The following SPEN variants were observed in gnomAD, a reference collection of about 807,000 sequenced individuals.
The protein encoded by SPEN is msx2-interacting protein.
A neutral mutation model predicts 269.9 loss-of-function variants in SPEN; 18 were observed. The observed-to-expected ratio is 0.07, with a 90% CI of 0.05 to 0.10. SPEN has a LOEUF of 0.10. SPEN is among the 10% of genes least tolerant of loss of function. The pLI is 1.00. For missense variants in SPEN, 3,822 were observed against 4,631.2 expected (o/e 0.83, Z 5.07); for synonymous variants, 1,726 against 1,765.7 (o/e 0.98, Z 0.56).
chr1:15,871,401 C>A (rs1009132532), intron 1 of SPEN, among the ~76,000 whole-genome samples: 1 of 152,060 alleles, frequency 6.6e-6, no homozygotes, highest in African/African-American at 2.4e-5. Flanking sequence ...AGTGCAGTGG[C>A]ACGATCTTGG....
chr1:15,882,354 C>CA (rs1278477837), intron 3 of SPEN, among the ~76,000 whole-genome samples: 8 of 152,102 alleles, frequency 5.3e-5, no homozygotes, highest in Non-Finnish European at 8.8e-5. Context: ...CCCGCCCCCC[C>CA]AATCAAGTTG....
At chr1:15,854,771 G>A (rs563146909) in intron 1 of SPEN, among the ~76,000 whole-genome samples, 2 of 152,086 alleles carry the variant, frequency 1.3e-5, no homozygotes, top group Non-Finnish European at 2.9e-5. Flanking sequence ...GTGAGCCACC[G>A]CGACCGGCCA....
chr1:15,883,724 TA>T (rs1453129882), intron 3 of SPEN, among the ~76,000 whole-genome samples: 1 of 151,976 alleles, frequency 6.6e-6, no homozygotes, highest in African/African-American at 2.4e-5. Flanking sequence ...TATTTTTTTT[TA>T]ATTACATATG....
Position 15,848,221 on chromosome 1 carries a change from C to T in SPEN, c.83+71C>T, listed in dbSNP as rs1180459739. ...CTTCCCGCCCCGGCCCGTTGCCGGC[C>T]CCTCCCGGAGCGCGGAGCTGGTGAG... On this transcript the variant is annotated intron_variant, in intron 1 of 14. Coordinates refer to ENST00000375759, the MANE Select transcript of SPEN (RefSeq NM_015001.3). This position sits in a 1 kb window ranked among gnomAD's most constrained non-coding sequence, Gnocchi z 5.1. The T allele has an allele frequency of 2.4e-5, 28 of 1,171,534 alleles. No individual in the cohort carries two copies. Among genetic ancestry groups the T allele is most frequent in the Non-Finnish European group, 3.1e-5 (27 of 860,562 alleles). 72.6% of individuals were successfully genotyped at this position (1,171,534 alleles called of 1,614,324 possible). A position where few individuals can be genotyped will look rare whatever the true frequency, so the allele number is the denominator to read the frequency against.
intron 1 of SPEN, among the ~76,000 whole-genome samples, chr1:15,856,002 T>C (rs1237834020): frequency 6.8e-6 from 1 of 146,944 alleles, no homozygotes; most frequent in African/African-American, 2.5e-5. Context: ...TTTTTTTTTT[T>C]TTTTTTTTGA....
chr1:15,857,157 C>T (rs1220719717), intron 1 of SPEN, among the ~76,000 whole-genome samples: 2 of 151,726 alleles, frequency 1.3e-5, no homozygotes, highest in African/African-American at 4.8e-5. Context: ...TTCAACCTCC[C>T]GGGCTCAAGA....
In SPEN at chr1:15,847,963, A is replaced by AGCC. The variant is rs892124796; in HGVS notation, c.-89_-87dup. 22 of 600,206 alleles carry AGCC rather than the reference A, an allele frequency of 3.7e-5. No individual in the cohort carries two copies. Among genetic ancestry groups the AGCC allele is most frequent in the Non-Finnish European group, 4.6e-5 (19 of 415,874 alleles). 37.2% of individuals were successfully genotyped at this position (600,206 alleles called of 1,614,324 possible). On this transcript the variant is annotated 5_prime_UTR_variant, in exon 1 of 15. Coordinates refer to ENST00000375759, the MANE Select transcript of SPEN (RefSeq NM_015001.3). Reference sequence around the variant, plus strand: ...CCGCCGCTGCCGACGCCACCGCCGCAGCCGCCGCCGCCGCCGCCCCGGCAC... The same window carrying AGCC: ...CCGCCGCTGCCGACGCCACCGCCGCAGCCGCCGCCGCCGCCGCCGCCCCGGCAC...
intron 3 of SPEN, among the ~76,000 whole-genome samples, chr1:15,891,497 AC>A (rs1310309326): frequency 6.6e-6 from 1 of 151,118 alleles, no homozygotes; most frequent in Non-Finnish European, 1.5e-5. Flanking sequence ...GACTACAGGC[AC>A]CCGCCACCAC....
intron 3 of SPEN, among the ~76,000 whole-genome samples, chr1:15,897,799 G>A (rs866010053): frequency 3.9e-5 from 6 of 152,056 alleles, no homozygotes; most frequent in South Asian, 2.1e-4. Context: ...GCACCTGGCC[G>A]CATTTTTGCT....
At chr1:15,889,996 T>G (rs899991523) in intron 3 of SPEN, among the ~76,000 whole-genome samples, 15 of 152,258 alleles carry the variant, frequency 9.9e-5, no homozygotes, top group East Asian at 5.8e-4. Context: ...ATTACAGGCA[T>G]GAGCCACCGC....
Position 15,937,107 on chromosome 1 carries a change from A to G in SPEN, c.10027-56A>G, listed in dbSNP as rs565144577. ...GCCCTTTGGGTCATTTGTTGGTCTCAGGGGCTTGTGCACAACAGACTGACT... is the reference window on the plus strand; with the variant it reads ...GCCCTTTGGGTCATTTGTTGGTCTCGGGGGCTTGTGCACAACAGACTGACT... On this transcript the variant is annotated intron_variant, in intron 11 of 14. Transcript: ENST00000375759. This position sits in a 1 kb window ranked among gnomAD's most constrained non-coding sequence, Gnocchi z 5.7. 8.3e-5 allele frequency: 130 copies of G among 1,559,858 alleles called. No homozygotes were observed. The African/African-American group carries it at 1.4e-3, about 17-fold the overall frequency.
intron 3 of SPEN, among the ~76,000 whole-genome samples, chr1:15,880,020 G>T (rs966217863): frequency 6.6e-6 from 1 of 152,068 alleles, no homozygotes; most frequent in South Asian, 2.1e-4. Context: ...TTAAATTATT[G>T]CCAGTGTTTA....
chr1:15,864,384 G>A (rs1387823295), intron 1 of SPEN, among the ~76,000 whole-genome samples: 1 of 151,154 alleles, frequency 6.6e-6, no homozygotes, highest in Non-Finnish European at 1.5e-5. Flanking sequence ...TGGCAAGGCT[G>A]TTCTCAAACT....
chr1:15,937,195 T>G lies in SPEN; in HGVS notation c.10059T>G (p.Pro3353=), dbSNP rs1380053887. The G allele has an allele frequency of 1.5e-5, 24 of 1,613,040 alleles. No individual in the cohort carries two copies. The highest frequency in any genetic ancestry group is 2.2e-5 in the East Asian group (1 of 44,858). ...CTCCTGAAGGTGAGCCCCTGCAGCC[T>G]CCTCAGCCTGTGCAGTCCACACAGC... ...GPPPEGEPLQ[P]PQPVQSTQPA... Residue 3353 remains proline (P), a synonymous_variant, in exon 12 of 15, where the codon CCT becomes CCG. Transcript: ENST00000375759. The surrounding 1 kb of genome is among the most constrained non-coding windows in gnomAD (Gnocchi z 5.7).
At chr1:15,855,044 A>AAT (rs1177235038) in intron 1 of SPEN, among the ~76,000 whole-genome samples, 4 of 152,190 alleles carry the variant, frequency 2.6e-5, no homozygotes, top group Non-Finnish European at 4.4e-5. Flanking sequence ...ATAGAAATGA[A>AAT]ATGAACTCTA....
At chr1:15,851,953 A>G (rs1557731287) in intron 1 of SPEN, among the ~76,000 whole-genome samples, 2 of 152,182 alleles carry the variant, frequency 1.3e-5, no homozygotes, top group African/African-American at 2.4e-5. Flanking sequence ...ACTGCACTCT[A>G]GCCTGGGGGA....
intron 3 of SPEN, among the ~76,000 whole-genome samples, chr1:15,887,471 C>T (rs1322995605): frequency 2.0e-5 from 3 of 150,226 alleles, no homozygotes; most frequent in Non-Finnish European, 4.4e-5. Context: ...TTAGTAGAGA[C>T]TGGGTTTCAC....
chr1:15,916,005 AT>A, intron 5 of SPEN, 122 bp from the exon 6 acceptor site: 1 of 1,121,800 alleles, frequency 8.9e-7, no homozygotes, highest in Non-Finnish European at 1.2e-6. Flanking sequence ...ATTTCAGTTT[AT>A]GTGAGTATTC....
At chr1:15,904,919 G>A (rs189332995) in intron 3 of SPEN, among the ~76,000 whole-genome samples, 2 of 142,088 alleles carry the variant, frequency 1.4e-5, no homozygotes, top group South Asian at 2.2e-4. Flanking sequence ...ACGGAGTTTC[G>A]CCCTTATTGC....
Sources: allele counts gnomAD v4.1 joint callset (sites outside exome capture counted in the v4.1 genomes callset), GRCh38; gene constraint gnomAD v4.1.1; non-coding constraint Gnocchi (gnomAD v3.1); transcripts MANE v1.5; gene names NCBI Gene and HGNC (gene_info 2026-07-23, HGNC 2026-07-21).